TMTC1: variants seen among roughly 807,000 people sequenced by gnomAD.
TMTC1 encodes the protein transmembrane O-mannosyltransferase targeting cadherins 1.
Under a neutral mutation model 104.8 loss-of-function variants are expected in TMTC1, and 73 were observed. The observed-to-expected ratio is 0.70, with a 90% CI of 0.58 to 0.85. TMTC1 has a LOEUF of 0.85. Ranked by LOEUF, TMTC1 falls within the 40% of genes least tolerant of loss-of-function variation. TMTC1 has a pLI of 0.00. For synonymous variants in TMTC1, 434 were observed against 428.7 expected (o/e 1.01, Z -0.15); for missense variants, 1,035 against 1,096.1 (o/e 0.94, Z 0.79).
rs950544183 is a variant in TMTC1, at chr12:29,596,252, C to T, written c.1250+7926G>A. On this transcript the variant is annotated intron_variant, in intron 7 of 17. Transcript: ENST00000539277. ...GAACTCCTGACCTCAAGTGGTCCAC[C>T]CCCCTTGGCCTCCCAAAGTGCTGGG... Among the ~76,000 whole-genome samples the T allele has an allele frequency of 2.6e-5, 4 of 152,190 alleles. No homozygotes were observed. The South Asian group carries it at 8.3e-4, about 32-fold the overall frequency.
At chr12:29,525,431 C>T (rs746020419) in intron 11 of TMTC1, among the ~76,000 whole-genome samples, 5 of 151,770 alleles carry the variant, frequency 3.3e-5, no homozygotes, top group Non-Finnish European at 7.4e-5. Flanking sequence ...GGTGATCCAC[C>T]CGCCTTGGCT....
chr12:29,522,750 A>G (rs1027713225), intron 11 of TMTC1, among the ~76,000 whole-genome samples: 5 of 152,300 alleles, frequency 3.3e-5, no homozygotes, highest in Non-Finnish European at 7.3e-5. Flanking sequence ...CCAAGATTTG[A>G]CTGCGTGGAT....
chr12:29,644,026 TAA>T (rs1491090579), intron 5 of TMTC1, among the ~76,000 whole-genome samples: 1 of 112,528 alleles, frequency 8.9e-6, no homozygotes, highest in Non-Finnish European at 1.6e-5. Flanking sequence ...AATTTATATA[TAA>T]ATATAAATAT....
chr12:29,708,186 A>G (rs142247707), intron 5 of TMTC1, among the ~76,000 whole-genome samples: 159 of 152,354 alleles, frequency 1.0e-3, no homozygotes, highest in African/African-American at 3.7e-3. Flanking sequence ...CAGCTAAAAC[A>G]GAAAAGCACA....
chr12:29,709,678 G>A (rs1052712651), intron 5 of TMTC1, among the ~76,000 whole-genome samples: 3 of 152,110 alleles, frequency 2.0e-5, no homozygotes, highest in Non-Finnish European at 2.9e-5. Context: ...TCCTGGGTAG[G>A]AACAAGATGC....
intron 5 of TMTC1, among the ~76,000 whole-genome samples, chr12:29,749,011 A>G (rs1943024711): frequency 6.6e-6 from 1 of 152,222 alleles, no homozygotes; most frequent in Admixed American, 6.5e-5. Context: ...ATGGCGGACT[A>G]TGACAGCTCT....
At position 29,691,738 on chromosome 12, in the gene TMTC1, A is replaced by AAC. The variant is rs71045828; in HGVS notation, c.939-58403_939-58402insGT. Among the ~76,000 whole-genome samples, 7 of 142,088 alleles carry AAC rather than the reference A, an allele frequency of 4.9e-5. 1 individual carries two copies. The highest frequency in any genetic ancestry group is 1.8e-4 in the African/African-American group (7 of 38,472). 93.2% of individuals were successfully genotyped at this position (142,088 alleles called of 152,430 possible). On this transcript the variant is annotated intron_variant, in intron 5 of 17. Coordinates refer to ENST00000539277, the MANE Select transcript of TMTC1 (RefSeq NM_001193451.2). ...AAAGTAGGAAAAAAAAAAAAAAAAA[A>AAC]CCTACTTCCCACAATGGTGTACTGG...
chr12:29,593,044 C>A (rs991539156), intron 7 of TMTC1, among the ~76,000 whole-genome samples: 2 of 152,138 alleles, frequency 1.3e-5, no homozygotes, highest in African/African-American at 4.8e-5. Flanking sequence ...GAAAAGGGAA[C>A]TGGGAATTCA....
At chr12:29,553,498 T>C (rs2136247638) in intron 10 of TMTC1, among the ~76,000 whole-genome samples, 1 of 152,332 alleles carries the variant, frequency 6.6e-6, no homozygotes, top group Admixed American at 6.5e-5. Flanking sequence ...ATAACTTGTT[T>C]GGACCTCTGT....
intron 5 of TMTC1, among the ~76,000 whole-genome samples, chr12:29,692,130 TC>T (rs1382409548): frequency 6.9e-6 from 1 of 145,456 alleles, no homozygotes; most frequent in Non-Finnish European, 1.5e-5. Flanking sequence ...GTGTCTTTAT[TC>T]CCCACTGATA....
At chr12:29,711,085 C>T (rs1038678569) in intron 5 of TMTC1, among the ~76,000 whole-genome samples, 2 of 150,600 alleles carry the variant, frequency 1.3e-5, no homozygotes, top group Non-Finnish European at 2.9e-5. Context: ...ATGGTTCAAA[C>T]GATCCTCTTG....
intron 7 of TMTC1, among the ~76,000 whole-genome samples, chr12:29,597,627 GA>G (rs35882753): frequency 0.33 from 46,560 of 139,584 alleles, 7,356 homozygotes; most frequent in East Asian, 0.41. Flanking sequence ...CATAAAATGT[GA>G]AAAAAAAAAA....
At position 29,520,716 on chromosome 12, in the gene TMTC1, C is replaced by G. The variant is rs745880933; in HGVS notation, c.1790G>C (p.Arg597Pro). The stretch of plus-strand genomic sequence containing the variant: ...GTATATTTCTTCAGCTTCTTTAAAC[C>G]GCTCCTTTAAAAAGAAAGAAACAAA... ...SLASLLAEQE[R>P]FKEAEEIYQT... The change falls in exon 12 of 18, where the codon CGG becomes CCG. Residue 597 changes from arginine to proline, a missense_variant. By Grantham distance (103) the Arg-to-Pro change is moderately radical. Coordinates refer to ENST00000539277, the MANE Select transcript of TMTC1 (RefSeq NM_001193451.2). The G allele has an allele frequency of 6.2e-7, 1 of 1,607,664 alleles. No homozygotes were observed.
chr12:29,777,538 T>A (rs1477894029), intron 1 of TMTC1, among the ~76,000 whole-genome samples: 1 of 152,156 alleles, frequency 6.6e-6, no homozygotes, highest in Non-Finnish European at 1.5e-5. Flanking sequence ...ATTCAGGGAC[T>A]CACCTATAAA....
chr12:29,725,014 C>CTTTTT (rs869135481), intron 5 of TMTC1, among the ~76,000 whole-genome samples: 17 of 90,366 alleles, frequency 1.9e-4, no homozygotes, highest in South Asian at 4.8e-4. Flanking sequence ...CTGCCAAGTT[C>CTTTTT]TTTTTTTTTT....
At chr12:29,635,179 C>G (rs980828372) in intron 5 of TMTC1, among the ~76,000 whole-genome samples, 2 of 146,608 alleles carry the variant, frequency 1.4e-5, no homozygotes, top group East Asian at 2.0e-4. Flanking sequence ...TATTTAACAA[C>G]AACAAAAAAT....
chr12:29,526,654 T>A (rs751864355), intron 11 of TMTC1, among the ~76,000 whole-genome samples: 6 of 152,156 alleles, frequency 3.9e-5, no homozygotes, highest in Non-Finnish European at 7.3e-5. Flanking sequence ...TTTTCATCCT[T>A]TCTGTGAACC....
chr12:29,543,043 C>T (rs73069591), intron 10 of TMTC1, among the ~76,000 whole-genome samples: 5,512 of 152,176 alleles, frequency 0.036, 116 homozygotes, highest in Middle Eastern at 0.11. Flanking sequence ...AAAAAATTCC[C>T]GAGAATGTGT....
chr12:29,677,254 C>CA (rs759824396), intron 5 of TMTC1, among the ~76,000 whole-genome samples: 2 of 152,134 alleles, frequency 1.3e-5, no homozygotes, highest in Non-Finnish European at 2.9e-5. Context: ...CCTTTATCTG[C>CA]ATGTCTGTTT....
Sources: allele counts gnomAD v4.1 joint callset (sites outside exome capture counted in the v4.1 genomes callset), GRCh38; gene constraint gnomAD v4.1.1; transcripts MANE v1.5; gene names NCBI Gene and HGNC (gene_info 2026-07-23, HGNC 2026-07-21).